Variants in TPRG1 observed in about 807,000 individuals in gnomAD.
TPRG1 encodes the protein tumor protein p63-regulated gene 1 protein.
In TPRG1, 29 loss-of-function variants were observed where a neutral mutation model predicts 29.3. The ratio of observed to expected loss-of-function variants is 0.99; its 90% CI spans 0.74 to 1.35. TPRG1 has a LOEUF of 1.35. TPRG1 is among the 40% of genes most tolerant of loss of function. TPRG1 has a pLI of 0.00. For missense variants in TPRG1, 327 were observed against 335.0 expected (o/e 0.98, Z 0.19); for synonymous variants, 130 against 116.8 (o/e 1.11, Z -0.73).
intron 4 of TPRG1, among the ~76,000 whole-genome samples, chr3:189,087,999 G>T (rs190854276): frequency 0.014 from 2,065 of 149,922 alleles, 44 homozygotes; most frequent in African/African-American, 0.047. Flanking sequence ...GGATTTTTTT[G>T]GTTCCATATG....
chr3:189,008,591 A>T lies in TPRG1; in HGVS notation c.-660+3831A>T, dbSNP rs149241357. Among the ~76,000 whole-genome samples, 1,466 of 152,278 alleles carry T rather than the reference A, an allele frequency of 9.6e-3. 23 individuals carry two copies. The highest frequency in any genetic ancestry group is 0.034 in the African/African-American group (1,406 of 41,562). On this transcript the variant is annotated intron_variant, in intron 3 of 10. Transcript: ENST00000433971. ...ATAAATGAGAAATTAGTTGCTATTC[A>T]TGCTTTTTTTTCCTTCCAAAGCAGT... is the stretch of plus-strand genomic sequence containing the variant.
chr3:189,151,695 A>G (rs1260408883), intron 5 of TPRG1, among the ~76,000 whole-genome samples: 1 of 152,102 alleles, frequency 6.6e-6, no homozygotes, highest in Non-Finnish European at 1.5e-5. Context: ...AGCCTGACCA[A>G]TATGGTGAAA....
chr3:189,053,642 T>C (rs1715473621), intron 4 of TPRG1, among the ~76,000 whole-genome samples: 3 of 152,202 alleles, frequency 2.0e-5, no homozygotes. Flanking sequence ...CTAATTTTAG[T>C]CTGCCAGGAG....
intron 4 of TPRG1, among the ~76,000 whole-genome samples, chr3:189,294,636 A>T (rs555253338): frequency 6.6e-6 from 1 of 152,338 alleles, no homozygotes; most frequent in African/African-American, 2.4e-5. Flanking sequence ...AATAGACCAA[A>T]GACAATACTT....
At chr3:189,032,245 G>C (rs1472570316) in intron 4 of TPRG1, among the ~76,000 whole-genome samples, 1 of 152,222 alleles carries the variant, frequency 6.6e-6, no homozygotes, top group South Asian at 2.1e-4. Context: ...AGAGGTTGCT[G>C]TAATGCAAGG....
intron 4 of TPRG1, among the ~76,000 whole-genome samples, chr3:189,247,243 T>A (rs1182375691): frequency 6.6e-6 from 1 of 152,062 alleles, no homozygotes; most frequent in African/African-American, 2.4e-5. Flanking sequence ...TTAATTCTGC[T>A]ATTAAATCTA....
chr3:189,275,052 C>T (rs145593863), intron 4 of TPRG1, among the ~76,000 whole-genome samples: 1 of 151,724 alleles, frequency 6.6e-6, no homozygotes, highest in East Asian at 1.9e-4. Context: ...GAGGTTAAGG[C>T]ACTGCATGTA....
At chr3:189,070,455 G>A (rs1303843498) in intron 4 of TPRG1, among the ~76,000 whole-genome samples, 1 of 152,156 alleles carries the variant, frequency 6.6e-6, no homozygotes, top group Non-Finnish European at 1.5e-5. Flanking sequence ...CTTCTCTGGG[G>A]ATATTTGATT....
intron 4 of TPRG1, among the ~76,000 whole-genome samples, chr3:189,277,501 T>A (rs1395004370): frequency 6.7e-6 from 1 of 149,602 alleles, no homozygotes; most frequent in African/African-American, 2.4e-5. Flanking sequence ...CTTCATTTTT[T>A]AAAATGTGTT....
At chr3:189,269,614 A>C (rs1047983179) in intron 4 of TPRG1, among the ~76,000 whole-genome samples, 5 of 152,114 alleles carry the variant, frequency 3.3e-5, no homozygotes, top group East Asian at 1.9e-4. Context: ...AGAAAAAAAA[A>C]CCCTGTTAAT....
chr3:189,261,682 G>C (rs1239099573), intron 4 of TPRG1, among the ~76,000 whole-genome samples: 1 of 152,122 alleles, frequency 6.6e-6, no homozygotes, highest in African/African-American at 2.4e-5. Flanking sequence ...CTTTGGTTAG[G>C]GCTCCAGCAG....
chr3:189,301,907 G>A (rs1310411698), intron 4 of TPRG1, among the ~76,000 whole-genome samples: 1 of 152,130 alleles, frequency 6.6e-6, no homozygotes, highest in Non-Finnish European at 1.5e-5. Flanking sequence ...GCACTTTTCT[G>A]TTTAATCACA....
chr3:189,044,029 G>C (rs1235806184), intron 4 of TPRG1, among the ~76,000 whole-genome samples: 4 of 151,838 alleles, frequency 2.6e-5, no homozygotes, highest in Admixed American at 6.6e-5. Context: ...TGGTGTCTGT[G>C]TCTGCTACAA....
chr3:189,065,035 G>A (rs927440845), intron 4 of TPRG1, among the ~76,000 whole-genome samples: 13 of 151,996 alleles, frequency 8.6e-5, no homozygotes, highest in Non-Finnish European at 1.3e-4. Context: ...CAAAAAGTTT[G>A]AAAATTAGCT....
intron 4 of TPRG1, among the ~76,000 whole-genome samples, chr3:189,030,981 A>G (rs1713900759): frequency 6.6e-6 from 1 of 152,192 alleles, no homozygotes. Flanking sequence ...TTCAATAAAA[A>G]ATTAAAAAGG....
At chr3:189,292,541 GA>G (rs1356440451) in intron 4 of TPRG1, among the ~76,000 whole-genome samples, 2 of 152,082 alleles carry the variant, frequency 1.3e-5, no homozygotes, top group Non-Finnish European at 2.9e-5. Context: ...GAGATTAACA[GA>G]AATAACAGAA....
intron 3 of TPRG1, among the ~76,000 whole-genome samples, chr3:189,222,015 A>G (rs1373276255): frequency 6.6e-6 from 1 of 151,892 alleles, no homozygotes; most frequent in Non-Finnish European, 1.5e-5. Flanking sequence ...TGCAGTTCAA[A>G]TTGGTTAAAT....
intron 2 of TPRG1, among the ~76,000 whole-genome samples, chr3:189,213,644 C>T (rs775495415): frequency 2.0e-5 from 3 of 152,172 alleles, no homozygotes; most frequent in Admixed American, 6.5e-5. Flanking sequence ...GTCTTCATCA[C>T]ATTCGTTACT....
intron 3 of TPRG1, among the ~76,000 whole-genome samples, chr3:189,219,369 T>C (rs1736582718): frequency 6.6e-6 from 1 of 152,152 alleles, no homozygotes. Flanking sequence ...CCAGTTTAGC[T>C]GACACCATTA....
Sources: gnomAD v4.1 joint callset for allele counts (sites outside exome capture counted in the v4.1 genomes callset) on GRCh38, gnomAD v4.1.1 for gene constraint, MANE v1.5 for transcripts, NCBI Gene and HGNC (gene_info 2026-07-23, HGNC 2026-07-21) for gene names.